The following RFC3 variants were observed in gnomAD, a reference collection of about 807,000 sequenced individuals.
RFC3 encodes the protein replication factor C subunit 3.
In RFC3, 41 loss-of-function variants were observed where a neutral mutation model predicts 45.1. The ratio of observed to expected loss-of-function variants is 0.91; its 90% CI spans 0.71 to 1.18. The LOEUF is 1.18. Ranked by LOEUF, RFC3 falls within the 50% of genes most tolerant of loss-of-function variation. The pLI, the probability that RFC3 is intolerant of heterozygous loss-of-function variation, is 0.00. For missense variants in RFC3, 423 were observed against 428.1 expected, an observed-to-expected ratio of 0.99 and a Z score of 0.10; for synonymous variants, 149 against 144.0, an observed-to-expected ratio of 1.03 and a Z score of -0.25.
chr13:33,860,911 A>G (rs932069148), intron 8 of RFC3, among the ~76,000 whole-genome samples: 14 of 53,920 alleles, frequency 2.6e-4, no homozygotes, highest in Admixed American at 9.8e-4. Context: ...AAATATATAT[A>G]TATATTTTTT....
Position 33,836,866 on chromosome 13 carries a change from G to T in RFC3, c.*571G>T. On this transcript the variant is annotated 3_prime_UTR_variant, in exon 9 of 9. Transcript: ENST00000380071. ...AGTGGTTCAGATTAGTATTAGGTCGGTACTAAGAAATAAGCATGTTTTCAC... is the reference window on the plus strand; with the variant it reads ...AGTGGTTCAGATTAGTATTAGGTCGTTACTAAGAAATAAGCATGTTTTCAC... The T allele has an allele frequency of 1.0e-6, 1 of 983,882 alleles. No homozygotes were observed. The highest frequency in any genetic ancestry group is 1.2e-6 in the Non-Finnish European group (1 of 828,654). 60.9% of individuals were successfully genotyped at this position (983,882 alleles called of 1,614,324 possible). A position where few individuals can be genotyped will look rare whatever the true frequency, so the allele number is the denominator to read the frequency against.
In RFC3 at chr13:33,836,950, TG is replaced by T. The variant is rs1173687646; in HGVS notation, c.*656del. The T allele has an allele frequency of 3.3e-3, 3,239 of 984,740 alleles. 79 individuals are homozygous for T. In the African/African-American group the frequency reaches 0.044, roughly 13 times the overall value. The allele number at this position is 984,740 out of a possible 1,614,324, so 61.0% of individuals were successfully genotyped here. A position where few individuals can be genotyped will look rare whatever the true frequency, so the allele number is the denominator to read the frequency against. ...CAGAATGAAGTTCTGGAGAAAGGTA[TG>T]TTACTGTAGTAATTACTCTTTGAAC... On this transcript the variant is annotated 3_prime_UTR_variant, in exon 9 of 9. Transcript: ENST00000380071.
downstream of RFC3, among the ~76,000 whole-genome samples, chr13:33,967,151 C>T (rs1164954195): frequency 6.6e-6 from 1 of 151,294 alleles, no homozygotes; most frequent in Non-Finnish European, 1.5e-5. Context: ...GAGTGAGACT[C>T]TACCTTAAAA....
intron 8 of RFC3, among the ~76,000 whole-genome samples, chr13:33,882,321 G>A (rs778181976): frequency 6.6e-6 from 1 of 152,140 alleles, no homozygotes; most frequent in South Asian, 2.1e-4. Flanking sequence ...TTTATCACAC[G>A]TGTAGATTCA....
chr13:33,866,154 C>T (rs1189700355), intron 8 of RFC3, among the ~76,000 whole-genome samples: 3 of 152,232 alleles, frequency 2.0e-5, no homozygotes, highest in African/African-American at 7.2e-5. Context: ...GTTCCCCTAA[C>T]TACATCCTCC....
intron 8 of RFC3, among the ~76,000 whole-genome samples, chr13:33,906,881 T>G (rs932251075): frequency 1.3e-5 from 2 of 151,996 alleles, no homozygotes; most frequent in African/African-American, 4.8e-5. Context: ...CAGGCTGGAG[T>G]GCAGTGAAGT....
chr13:33,818,289 G>T, intron 1 of RFC3, 24 bp downstream of exon 1: 2 of 1,604,354 alleles, frequency 1.2e-6, no homozygotes, highest in Non-Finnish European at 1.7e-6. Flanking sequence ...GGCCGGGAGC[G>T]TGGGAGAGGG....
chr13:33,870,822 A>C (rs112613541), intron 8 of RFC3, among the ~76,000 whole-genome samples: 1 of 152,236 alleles, frequency 6.6e-6, no homozygotes, highest in African/African-American at 2.4e-5. Context: ...AATGCATTTA[A>C]TATGCCTCTA....
At chr13:33,869,275 C>T (rs1416586305) in intron 8 of RFC3, among the ~76,000 whole-genome samples, 1 of 152,160 alleles carries the variant, frequency 6.6e-6, no homozygotes, top group Non-Finnish European at 1.5e-5. Context: ...GATATTTGGT[C>T]TCCATTGCTT....
intron 8 of RFC3, among the ~76,000 whole-genome samples, chr13:33,885,046 A>G (rs2082511271): frequency 6.6e-6 from 1 of 152,150 alleles, no homozygotes; most frequent in Non-Finnish European, 1.5e-5. Context: ...GGCTCCTGGA[A>G]CAAAGACTGC....
intron 8 of RFC3, among the ~76,000 whole-genome samples, chr13:33,899,168 A>G (rs1418336675): frequency 7.2e-6 from 1 of 139,748 alleles, no homozygotes; most frequent in Non-Finnish European, 1.5e-5. Context: ...AGCCAGCATT[A>G]CCCTGATAAC....
chr13:33,941,621 T>A (rs1269664686), intron 8 of RFC3, among the ~76,000 whole-genome samples: 2 of 152,188 alleles, frequency 1.3e-5, no homozygotes, highest in African/African-American at 4.8e-5. Flanking sequence ...ACCAGCCCAA[T>A]CTTGTTTTCT....
At chr13:33,904,716 C>T (rs1177612497) in intron 8 of RFC3, among the ~76,000 whole-genome samples, 1 of 152,016 alleles carries the variant, frequency 6.6e-6, no homozygotes, top group African/African-American at 2.4e-5. Flanking sequence ...GCCTGCCCGC[C>T]CTTCTCTCGC....
chr13:33,819,748 T>C (rs148320651), intron 1 of RFC3, among the ~76,000 whole-genome samples: 3 of 152,378 alleles, frequency 2.0e-5, no homozygotes, highest in African/African-American at 4.8e-5. Flanking sequence ...GGAATGTATA[T>C]TTTGGACATG....
chr13:33,912,756 T>C (rs2082710721), intron 8 of RFC3, among the ~76,000 whole-genome samples: 1 of 152,094 alleles, frequency 6.6e-6, no homozygotes, highest in Non-Finnish European at 1.5e-5. Flanking sequence ...ACATTGGATT[T>C]TAGAAAGGTC....
chr13:33,828,147 CTAAAAAAATAAAA>C (rs1422028982), intron 4 of RFC3, among the ~76,000 whole-genome samples: 1 of 151,976 alleles, frequency 6.6e-6, no homozygotes, highest in East Asian at 1.9e-4. Context: ...GACCCTGTCT[CTAAAAAAATAAAA>C]TAAAAAAATA....
Position 33,853,609 on chromosome 13 carries a change from C to A in RFC3, c.879+18392C>A, listed in dbSNP as rs2082290608. Among the ~76,000 whole-genome samples the A allele has an allele frequency of 2.0e-5, 3 of 152,104 alleles. No homozygotes were observed. The South Asian group carries it at 6.2e-4, about 31-fold the overall frequency. The stretch of plus-strand genomic sequence containing the variant: ...GCTGGAGGAAGAGATTATTTATTCA[C>A]TAAGAAAGAATACAGGGAGAAAGGT... On this transcript the variant is annotated intron_variant, in intron 8 of 8. Transcript: ENST00000434425.
At chr13:33,823,578 G>A (rs994574667) in intron 2 of RFC3, among the ~76,000 whole-genome samples, 2 of 152,104 alleles carry the variant, frequency 1.3e-5, no homozygotes, top group Admixed American at 6.5e-5. Context: ...ATACATTTGT[G>A]TATGTTTATT....
chr13:33,862,140 C>T (rs1402648619), intron 8 of RFC3, among the ~76,000 whole-genome samples: 2 of 152,120 alleles, frequency 1.3e-5, no homozygotes, highest in East Asian at 1.9e-4. Flanking sequence ...AATGTTTTCC[C>T]TTCCACTTAG....
Sources: gnomAD v4.1 joint callset for allele counts (sites outside exome capture counted in the v4.1 genomes callset) on GRCh38, gnomAD v4.1.1 for gene constraint, MANE v1.5 for transcripts, NCBI Gene and HGNC (gene_info 2026-07-23, HGNC 2026-07-21) for gene names.